The following BCAS4 variants were observed in gnomAD, a reference collection of about 807,000 sequenced individuals.
BCAS4 encodes the protein breast carcinoma-amplified sequence 4.
In BCAS4, 9 loss-of-function variants were observed where a neutral mutation model predicts 15.7. The ratio of observed to expected loss-of-function variants is 0.57; its 90% confidence interval spans 0.34 to 1.00. The LOEUF is 1.00. Ranked by LOEUF, BCAS4 falls within the 50% of genes least tolerant of loss-of-function variation. BCAS4 has a pLI of 0.02. For missense variants in BCAS4, 225 were observed against 239.1 expected (o/e 0.94, Z 0.39); for synonymous variants, 101 against 99.5 (o/e 1.02, Z -0.09).
intron 4 of BCAS4, among the ~76,000 whole-genome samples, chr20:50,862,110 C>T (rs987512055): frequency 2.6e-5 from 4 of 152,012 alleles, no homozygotes; most frequent in Non-Finnish European, 4.4e-5. Context: ...GCTATCCTCC[C>T]GCCTTGGCCT....
chr20:50,867,336 C>T (rs1161994765), intron 4 of BCAS4, among the ~76,000 whole-genome samples: 1 of 152,068 alleles, frequency 6.6e-6, no homozygotes, highest in East Asian at 1.9e-4. Flanking sequence ...TGTTTTTGGT[C>T]TTGGGCTTTT....
At chr20:50,854,972 C>T (rs974669957) in intron 4 of BCAS4, among the ~76,000 whole-genome samples, 2 of 152,236 alleles carry the variant, frequency 1.3e-5, no homozygotes, top group Non-Finnish European at 2.9e-5. Flanking sequence ...CCACACTGCT[C>T]ATGCCAGGAG....
rs2088477188 is a variant in BCAS4 at position 50,841,221 on chromosome 20, C to T, written c.265-545C>T. ...CAGCTTTCTGGTTGACCCTGCTTCC[C>T]ATTAGGCCCCCTTTACCTGCTTGTT... On this transcript the variant is annotated intron_variant, in intron 3 of 4. Transcript: ENST00000371608. Among the ~76,000 whole-genome samples the T allele has an allele frequency of 1.3e-5, 2 of 152,202 alleles. 1 individual carries two copies. Among genetic ancestry groups the T allele is most frequent in the South Asian group, 4.1e-4 (2 of 4,824 alleles).
chr20:50,815,037 G>C (rs926565582), intron 1 of BCAS4, among the ~76,000 whole-genome samples: 4 of 152,182 alleles, frequency 2.6e-5, no homozygotes, highest in African/African-American at 7.2e-5. Flanking sequence ...TGTTAAATCA[G>C]TTAGCCACAT....
chr20:50,829,479 G>A (rs2123790333), intron 2 of BCAS4, among the ~76,000 whole-genome samples: 1 of 152,206 alleles, frequency 6.6e-6, no homozygotes, highest in East Asian at 1.9e-4. Flanking sequence ...CTGACCTCAG[G>A]TGATCCACCT....
chr20:50,869,258 G>T (rs188652574), intron 4 of BCAS4, among the ~76,000 whole-genome samples: 20 of 152,302 alleles, frequency 1.3e-4, no homozygotes, highest in Admixed American at 1.3e-3. Context: ...GTGCCCTGGG[G>T]GATGAAGGTG....
chr20:50,874,943 G>A (rs140449418), intron 4 of BCAS4, among the ~76,000 whole-genome samples: 52 of 152,314 alleles, frequency 3.4e-4, no homozygotes, highest in Non-Finnish European at 7.1e-4. Flanking sequence ...GACAGGGTTA[G>A]GGGGTGGTGA....
chr20:50,877,869 G>A (rs1980027011), downstream of BCAS4: 1 of 152,228 alleles, frequency 6.6e-6, no homozygotes, highest in Admixed American at 6.6e-5. Flanking sequence ...AGACCAGCCT[G>A]GGCAACATAA....
At chr20:50,836,119 T>C (rs1568669343) in intron 3 of BCAS4, among the ~76,000 whole-genome samples, 1 of 152,152 alleles carries the variant, frequency 6.6e-6, no homozygotes, top group African/African-American at 2.4e-5. Flanking sequence ...AGTTTCACCA[T>C]GTTAGTCAGG....
intron 4 of BCAS4, among the ~76,000 whole-genome samples, chr20:50,849,404 G>T (rs1200880761): frequency 6.6e-6 from 1 of 152,188 alleles, no homozygotes; most frequent in East Asian, 1.9e-4. Context: ...GGCAGCAGAG[G>T]CCTGGGGAGA....
chr20:50,853,676 G>A (rs1978574117), intron 4 of BCAS4, among the ~76,000 whole-genome samples: 1 of 148,180 alleles, frequency 6.7e-6, no homozygotes, highest in South Asian at 2.1e-4. Flanking sequence ...ACCATTTTGT[G>A]TACTGGGGGG....
chr20:50,841,229 C>T (rs905373389), intron 3 of BCAS4, among the ~76,000 whole-genome samples: 1 of 152,168 alleles, frequency 6.6e-6, no homozygotes, highest in African/African-American at 2.4e-5. Flanking sequence ...CCCATTAGGC[C>T]CCCTTTACCT....
chr20:50,845,110 AGGGTGT>A (rs2088527909), intron 4 of BCAS4, among the ~76,000 whole-genome samples: 1 of 152,112 alleles, frequency 6.6e-6, no homozygotes, highest in East Asian at 1.9e-4. Context: ...CCCTGTGAAG[AGGGTGT>A]GGTCATTGTT....
intron 4 of BCAS4, among the ~76,000 whole-genome samples, chr20:50,864,438 G>T (rs867027827): frequency 2.2e-5 from 3 of 138,510 alleles, no homozygotes; most frequent in Non-Finnish European, 4.6e-5. Flanking sequence ...GATCATGATT[G>T]ATTTTTTTTT....
At chr20:50,836,724 T>C (rs1245259273) in intron 3 of BCAS4, among the ~76,000 whole-genome samples, 1 of 151,390 alleles carries the variant, frequency 6.6e-6, no homozygotes, top group Non-Finnish European at 1.5e-5. Context: ...GTTGTATTAA[T>C]AAAAACTAAC....
chr20:50,821,986 T>A (rs975210683), intron 2 of BCAS4, among the ~76,000 whole-genome samples: 8 of 152,214 alleles, frequency 5.3e-5, no homozygotes, highest in Non-Finnish European at 1.2e-4. Flanking sequence ...TCTGATTATC[T>A]ATTGCTGTGT....
At chr20:50,847,110 C>T (rs569044341) in intron 4 of BCAS4, among the ~76,000 whole-genome samples, 8 of 151,994 alleles carry the variant, frequency 5.3e-5, no homozygotes, top group Admixed American at 2.0e-4. Context: ...GAGCATGGAG[C>T]GGAAGAGCGT....
rs184692734 is a variant in BCAS4 at position 50,856,054 on chromosome 20, C to T, written c.399+14154C>T. ...TGTGTGGCATTCGCAGCACAGCCCA[C>T]GACAGGCTGCTGGGTCGCAGGCATT... On this transcript the variant is annotated intron_variant, in intron 4 of 4. Coordinates refer to ENST00000371608, the MANE Select transcript of BCAS4 (RefSeq NM_198799.4). Among the ~76,000 whole-genome samples, 69 of 152,326 alleles carry T rather than the reference C, an allele frequency of 4.5e-4. No homozygotes were observed. The East Asian group carries it at 8.1e-3, about 18-fold the overall frequency.
chr20:50,823,889 G>A (rs185280568), intron 2 of BCAS4, among the ~76,000 whole-genome samples: 82 of 152,138 alleles, frequency 5.4e-4, no homozygotes, highest in African/African-American at 1.7e-3. Flanking sequence ...ACATATGTGC[G>A]GATTCATCAA....
Sources: gnomAD v4.1 joint callset for allele counts (sites outside exome capture counted in the v4.1 genomes callset) on GRCh38, gnomAD v4.1.1 for gene constraint, MANE v1.5 for transcripts, NCBI Gene and HGNC (gene_info 2026-07-23, HGNC 2026-07-21) for gene names.